AFG1L: variants seen among roughly 807,000 people sequenced by gnomAD.
The protein encoded by AFG1L is AFG1 like ATPase, also known as AFG1-like ATPase.
In AFG1L, 53 loss-of-function variants were observed where a neutral mutation model predicts 62.2. The observed-to-expected ratio is 0.85, with a 90% CI of 0.68 to 1.07. The LOEUF (loss-of-function observed/expected upper bound fraction) is 1.07, where lower values mean the gene tolerates loss of function less well. Ranked by LOEUF, AFG1L falls within the 50% of genes least tolerant of loss-of-function variation. The pLI is 0.00. For synonymous variants in AFG1L, 228 were observed against 210.3 expected, an observed-to-expected ratio of 1.08 and a Z score of -0.73; for missense variants, 555 against 590.5, an observed-to-expected ratio of 0.94 and a Z score of 0.62.
At chr6:108,368,159 T>C (rs1779837508) in intron 6 of AFG1L, among the ~76,000 whole-genome samples, 1 of 152,150 alleles carries the variant, frequency 6.6e-6, no homozygotes, top group African/African-American at 2.4e-5. Flanking sequence ...TTTTTTATTT[T>C]TATTTTTGTT....
At chr6:108,302,230 A>C (rs982088038) in intron 1 of AFG1L, among the ~76,000 whole-genome samples, 1 of 152,212 alleles carries the variant, frequency 6.6e-6, no homozygotes, top group African/African-American at 2.4e-5. Context: ...GGCGTGAGCC[A>C]TCGCTCCCAG....
At chr6:108,331,597 T>C (rs1238925290) in intron 2 of AFG1L, among the ~76,000 whole-genome samples, 2 of 152,208 alleles carry the variant, frequency 1.3e-5, no homozygotes, top group Non-Finnish European at 2.9e-5. Flanking sequence ...ATAAACACTT[T>C]ACTTTTGTTA....
intron 6 of AFG1L, among the ~76,000 whole-genome samples, chr6:108,386,341 A>G (rs1024033479): frequency 1.2e-4 from 19 of 152,002 alleles, no homozygotes; most frequent in African/African-American, 4.6e-4. Flanking sequence ...CATACCTGTA[A>G]TCCCAGCTAT....
intron 2 of AFG1L, among the ~76,000 whole-genome samples, chr6:108,341,187 A>T (rs1191331597): frequency 1.3e-5 from 2 of 152,166 alleles, no homozygotes; most frequent in Admixed American, 6.5e-5. Context: ...ATATGATTTT[A>T]TTAAATTATG....
At chr6:108,514,617 A>C (rs1173449027) in intron 11 of AFG1L, among the ~76,000 whole-genome samples, 2 of 152,262 alleles carry the variant, frequency 1.3e-5, no homozygotes, top group Non-Finnish European at 2.9e-5. Flanking sequence ...AGCTAACATC[A>C]TAATGACAGG....
chr6:108,492,892 T>C (rs1462041817), intron 10 of AFG1L, among the ~76,000 whole-genome samples: 6 of 152,154 alleles, frequency 3.9e-5, no homozygotes, highest in Admixed American at 6.5e-5. Context: ...AAATGCCTTT[T>C]AACAAAAAGC....
chr6:108,342,831 C>T (rs190627265), intron 2 of AFG1L, among the ~76,000 whole-genome samples: 237 of 152,036 alleles, frequency 1.6e-3, no homozygotes, highest in African/African-American at 4.7e-3. Flanking sequence ...TTAAAATCCC[C>T]GTCTTATACA....
chr6:108,341,810 T>C (rs1438121247), intron 2 of AFG1L, among the ~76,000 whole-genome samples: 1 of 152,128 alleles, frequency 6.6e-6, no homozygotes, highest in Non-Finnish European at 1.5e-5. Context: ...CATCCTACTT[T>C]ACAAACTCCC....
intron 10 of AFG1L, among the ~76,000 whole-genome samples, chr6:108,503,076 C>T (rs1774268219): frequency 6.6e-6 from 1 of 152,208 alleles, no homozygotes; most frequent in Admixed American, 6.5e-5. Context: ...TGCCATATCT[C>T]TCTACCACAT....
intron 5 of AFG1L, among the ~76,000 whole-genome samples, chr6:108,357,482 A>C (rs1424605665): frequency 6.6e-6 from 1 of 152,216 alleles, no homozygotes; most frequent in Non-Finnish European, 1.5e-5. Flanking sequence ...AATATTTACT[A>C]TTCAGTCTTT....
intron 1 of AFG1L, among the ~76,000 whole-genome samples, chr6:108,304,053 TTAAC>T (rs1296384175): frequency 6.6e-6 from 1 of 152,188 alleles, no homozygotes; most frequent in Non-Finnish European, 1.5e-5. Flanking sequence ...ACATTTAAGA[TTAAC>T]TAGCTTCTGA....
At chr6:108,379,302 G>T (rs1469721722) in intron 6 of AFG1L, among the ~76,000 whole-genome samples, 1 of 152,068 alleles carries the variant, frequency 6.6e-6, no homozygotes, top group African/African-American at 2.4e-5. Context: ...GAGCCACCGC[G>T]CCCGGCTGCC....
intron 5 of AFG1L, among the ~76,000 whole-genome samples, chr6:108,361,478 C>T (rs1038093020): frequency 5.9e-5 from 9 of 151,986 alleles, no homozygotes; most frequent in African/African-American, 1.2e-4. Context: ...TAGCAGCATG[C>T]GTGTATGTGT....
intron 3 of AFG1L, among the ~76,000 whole-genome samples, chr6:108,350,155 C>T (rs1432440967): frequency 2.0e-5 from 3 of 151,934 alleles, no homozygotes; most frequent in Non-Finnish European, 4.4e-5. Context: ...GAGATCGCAC[C>T]ACTGCACTCC....
At chr6:108,379,000 C>CTTTTTT (rs931030207) in intron 6 of AFG1L, among the ~76,000 whole-genome samples, 10 of 123,072 alleles carry the variant, frequency 8.1e-5, no homozygotes, top group East Asian at 2.3e-4. Context: ...TCTCCTTCTT[C>CTTTTTT]TTTTTTTTTT....
intron 10 of AFG1L, among the ~76,000 whole-genome samples, chr6:108,484,715 A>G (rs1311424029): frequency 6.6e-6 from 1 of 152,254 alleles, no homozygotes; most frequent in African/African-American, 2.4e-5. Context: ...TTTTGGAATA[A>G]AATCCCATAA....
At chr6:108,482,200 C>T (rs1006896045) in intron 10 of AFG1L, among the ~76,000 whole-genome samples, 1 of 151,188 alleles carries the variant, frequency 6.6e-6, no homozygotes, top group Non-Finnish European at 1.5e-5. Context: ...ATAACCAATG[C>T]TTGCTCTTAC....
At chr6:108,365,306 A>G (rs116139407) in intron 5 of AFG1L, among the ~76,000 whole-genome samples, 36 of 152,274 alleles carry the variant, frequency 2.4e-4, no homozygotes, top group African/African-American at 8.2e-4. Flanking sequence ...TGAATTTTAA[A>G]AGCCTTTAGA....
intron 8 of AFG1L, among the ~76,000 whole-genome samples, chr6:108,463,693 T>C (rs1056087588): frequency 2.6e-5 from 4 of 152,092 alleles, no homozygotes; most frequent in African/African-American, 4.8e-5. Context: ...CTCCAGGTGA[T>C]TGAGAAGGGT....
Sources: allele counts gnomAD v4.1 joint callset (sites outside exome capture counted in the v4.1 genomes callset), GRCh38; gene constraint gnomAD v4.1.1; transcripts MANE v1.5; gene names NCBI Gene and HGNC (gene_info 2026-07-23, HGNC 2026-07-21).